The following SEMA6D variants were observed in gnomAD, a reference collection of about 807,000 sequenced individuals.
SEMA6D encodes semaphorin 6D.
A neutral mutation model predicts 106.6 loss-of-function variants in SEMA6D; 35 were observed. The ratio of observed to expected loss-of-function variants is 0.33; its 90% confidence interval spans 0.25 to 0.44. The LOEUF (loss-of-function observed/expected upper bound fraction) is 0.44, where lower values mean the gene tolerates loss of function less well. Among genes scored for constraint, SEMA6D ranks in the 20% least tolerant of loss-of-function variants. The probability of loss-of-function intolerance (pLI) is 1.00; values close to 1 mark genes in which losing one functional copy is unlikely to be tolerated. For synonymous variants in SEMA6D, 499 were observed against 487.7 expected (o/e 1.02, Z -0.31); for missense variants, 1,185 against 1,345.9 (o/e 0.88, Z 1.87).
At chr15:47,586,628 T>A (rs1292655089) in intron 3 of SEMA6D, among the ~76,000 whole-genome samples, 1 of 152,150 alleles carries the variant, frequency 6.6e-6, no homozygotes, top group African/African-American at 2.4e-5. Flanking sequence ...GATTTTACTT[T>A]CGGAAACCAA....
chr15:47,201,406 T>C (rs1383201259), intron 1 of SEMA6D, among the ~76,000 whole-genome samples: 1 of 152,170 alleles, frequency 6.6e-6, no homozygotes, highest in East Asian at 1.9e-4. Flanking sequence ...GAAATAGAAA[T>C]GTGGTAAATA....
At chr15:47,236,043 A>T (rs763415267) in intron 1 of SEMA6D, among the ~76,000 whole-genome samples, 2 of 152,132 alleles carry the variant, frequency 1.3e-5, no homozygotes, top group Non-Finnish European at 2.9e-5. Flanking sequence ...ACACAAATTC[A>T]TGCTTCTTAC....
chr15:47,441,854 T>A (rs2041893739), intron 2 of SEMA6D, among the ~76,000 whole-genome samples: 1 of 151,878 alleles, frequency 6.6e-6, no homozygotes, highest in South Asian at 2.1e-4. Context: ...ATGGATGGAG[T>A]GTGAGTGGGT....
intron 3 of SEMA6D, among the ~76,000 whole-genome samples, chr15:47,494,728 A>T (rs2043581555): frequency 8.3e-6 from 1 of 120,120 alleles, no homozygotes; most frequent in African/African-American, 3.0e-5. Flanking sequence ...AAAAATCTGG[A>T]GAGTGGGATG....
At chr15:47,395,506 G>A (rs1443275886) in intron 1 of SEMA6D, 1 of 152,146 alleles carries the variant, frequency 6.6e-6, no homozygotes, top group African/African-American at 2.4e-5. Flanking sequence ...TTATTGAGTG[G>A]TGTAAATATA....
chr15:47,266,382 A>G (rs1252590408), intron 1 of SEMA6D, among the ~76,000 whole-genome samples: 2 of 152,044 alleles, frequency 1.3e-5, no homozygotes, highest in Non-Finnish European at 2.9e-5. Context: ...CCAAGGCTCT[A>G]GAACTGTTGG....
chr15:47,312,735 A>G (rs529715756), intron 1 of SEMA6D, among the ~76,000 whole-genome samples: 28 of 152,378 alleles, frequency 1.8e-4, no homozygotes, highest in African/African-American at 6.7e-4. Flanking sequence ...ATATTTTTAT[A>G]TAACCCAGTA....
chr15:47,244,857 C>T (rs1017299854), intron 1 of SEMA6D, among the ~76,000 whole-genome samples: 2 of 152,120 alleles, frequency 1.3e-5, no homozygotes, highest in Non-Finnish European at 2.9e-5. Flanking sequence ...CCCGTCATCC[C>T]CCTCGCGGTA....
chr15:47,396,241 A>T (rs1203882286), intron 1 of SEMA6D: 3 of 152,140 alleles, frequency 2.0e-5, no homozygotes, highest in African/African-American at 7.2e-5. Flanking sequence ...CGGCTGCTCA[A>T]GCTGACTAAG....
intron 4 of SEMA6D, among the ~76,000 whole-genome samples, chr15:47,631,341 T>C (rs2077289213): frequency 6.6e-6 from 1 of 151,854 alleles, no homozygotes; most frequent in Non-Finnish European, 1.5e-5. Flanking sequence ...TGAAATCCAT[T>C]TATTCTAAAT....
At chr15:47,208,877 A>AT (rs563951691) in intron 1 of SEMA6D, among the ~76,000 whole-genome samples, 259 of 152,234 alleles carry the variant, frequency 1.7e-3, no homozygotes, top group African/African-American at 6.1e-3. Context: ...TGGGATAACT[A>AT]GAGTCCCTCA....
At chr15:47,752,128 G>A (rs2081475743) in intron 1 of SEMA6D, among the ~76,000 whole-genome samples, 1 of 152,196 alleles carries the variant, frequency 6.6e-6, no homozygotes, top group African/African-American at 2.4e-5. Context: ...CATCCCAGGA[G>A]TAATAGAAGG....
chr15:47,620,566 G>T (rs1054870724), intron 4 of SEMA6D, among the ~76,000 whole-genome samples: 17 of 152,084 alleles, frequency 1.1e-4, no homozygotes, highest in Admixed American at 1.1e-3. Context: ...TCAGCCAGCT[G>T]TGCTGACACT....
intron 1 of SEMA6D, among the ~76,000 whole-genome samples, chr15:47,375,966 G>A (rs1234346892): frequency 6.6e-6 from 1 of 152,202 alleles, no homozygotes; most frequent in Non-Finnish European, 1.5e-5. Context: ...CACATTGCCT[G>A]TTCCCAGCTT....
chr15:47,240,838 T>G (rs946626247), intron 1 of SEMA6D, among the ~76,000 whole-genome samples: 7 of 152,170 alleles, frequency 4.6e-5, no homozygotes, highest in Non-Finnish European at 1.0e-4. Flanking sequence ...ATTAATCCCA[T>G]TATATGAATA....
intron 3 of SEMA6D, among the ~76,000 whole-genome samples, chr15:47,567,589 A>C (rs546675917): frequency 6.6e-6 from 1 of 152,112 alleles, no homozygotes; most frequent in African/African-American, 2.4e-5. Flanking sequence ...CTCTTTGAAA[A>C]CCCATTCCTG....
At chr15:47,459,817 CA>C (rs1159095345) in intron 2 of SEMA6D, among the ~76,000 whole-genome samples, 1 of 152,006 alleles carries the variant, frequency 6.6e-6, no homozygotes, top group Non-Finnish European at 1.5e-5. Context: ...TGGGTGATAA[CA>C]AAGATAACTA....
chr15:47,328,348 C>T (rs1361006687), intron 1 of SEMA6D, among the ~76,000 whole-genome samples: 1 of 152,132 alleles, frequency 6.6e-6, no homozygotes, highest in Non-Finnish European at 1.5e-5. Flanking sequence ...TTTCAAAACA[C>T]TTAAGCTTGG....
At chr15:47,331,353 T>C (rs2037333176) in intron 1 of SEMA6D, among the ~76,000 whole-genome samples, 1 of 152,162 alleles carries the variant, frequency 6.6e-6, no homozygotes, top group Admixed American at 6.6e-5. Context: ...TGGAAGTAGA[T>C]TCAGCATTAT....
Sources: gnomAD v4.1 joint callset for allele counts (sites outside exome capture counted in the v4.1 genomes callset) on GRCh38, gnomAD v4.1.1 for gene constraint, MANE v1.5 for transcripts, NCBI Gene and HGNC (gene_info 2026-07-23, HGNC 2026-07-21) for gene names.